Variants in NIM1K observed in about 807,000 individuals in gnomAD.
The protein encoded by NIM1K is serine/threonine-protein kinase NIM1.
Under a neutral mutation model 37.1 loss-of-function variants are expected in NIM1K, and 35 were observed. That is an observed-to-expected ratio of 0.94 (90% CI 0.72 to 1.25). The LOEUF (loss-of-function observed/expected upper bound fraction) is 1.25, where lower values mean the gene tolerates loss of function less well. Ranked by LOEUF, NIM1K falls within the 50% of genes most tolerant of loss-of-function variation. The pLI, the probability that NIM1K is intolerant of heterozygous loss-of-function variation, is 0.00. For missense variants in NIM1K, 564 were observed against 548.0 expected, an observed-to-expected ratio of 1.03 and a Z score of -0.29; for synonymous variants, 234 against 206.6, an observed-to-expected ratio of 1.13 and a Z score of -1.14.
At chr5:43,267,122 TAGTC>T (rs1225276212) in intron 2 of NIM1K, among the ~76,000 whole-genome samples, 3 of 152,206 alleles carry the variant, frequency 2.0e-5, no homozygotes, top group Admixed American at 6.5e-5. Flanking sequence ...AAATTTTACT[TAGTC>T]AGTCTCACTG....
intron 1 of NIM1K, among the ~76,000 whole-genome samples, chr5:43,224,591 A>C (rs890047407): frequency 6.6e-6 from 1 of 152,154 alleles, no homozygotes; most frequent in Non-Finnish European, 1.5e-5. Flanking sequence ...AGACAAAATT[A>C]ATATAAGTAG....
chr5:43,232,860 G>A (rs1284725269), intron 1 of NIM1K: 7 of 1,075,718 alleles, frequency 6.5e-6, no homozygotes, highest in Non-Finnish European at 1.0e-5. Flanking sequence ...AGTGCCTTCA[G>A]GCATAGTTAC....
At chr5:43,269,541 G>A (rs1272657569) in intron 2 of NIM1K, among the ~76,000 whole-genome samples, 1 of 152,030 alleles carries the variant, frequency 6.6e-6, no homozygotes, top group Non-Finnish European at 1.5e-5. Context: ...ACATTGAGAT[G>A]TAAGGTACGA....
intron 1 of NIM1K, among the ~76,000 whole-genome samples, chr5:43,216,445 G>C (rs1233876454): frequency 6.6e-6 from 1 of 152,230 alleles, no homozygotes; most frequent in Non-Finnish European, 1.5e-5. Flanking sequence ...CTTGAGATGA[G>C]TGCGTTTCAT....
At chr5:43,239,914 G>A (rs1031862197) in intron 1 of NIM1K, among the ~76,000 whole-genome samples, 3 of 152,000 alleles carry the variant, frequency 2.0e-5, no homozygotes, top group East Asian at 1.9e-4. Context: ...TTCACCAGAA[G>A]TCCTGAATTA....
At chr5:43,277,460 C>T in intron 3 of NIM1K, 135 bp downstream of exon 3, 1 of 925,026 alleles carries the variant, frequency 1.1e-6, no homozygotes, top group Non-Finnish European at 1.6e-6. Flanking sequence ...TTCTGAGAGT[C>T]AGAAGTCTGG....
chr5:43,256,740 C>T (rs1292624389), intron 2 of NIM1K, among the ~76,000 whole-genome samples: 1 of 152,202 alleles, frequency 6.6e-6, no homozygotes, highest in Non-Finnish European at 1.5e-5. Flanking sequence ...TGGCCAGCAA[C>T]CACTGACTGG....
rs143463408 is a variant in NIM1K at position 43,266,656 on chromosome 5, A to G, written c.293-10401A>G. ...CAAGCCCCAGTGCGATGAACGCGGTACCTCAGTTGGAAATGCAGAAATCAC... is the reference window on the plus strand; with the variant it reads ...CAAGCCCCAGTGCGATGAACGCGGTGCCTCAGTTGGAAATGCAGAAATCAC... On this transcript the variant is annotated intron_variant, in intron 2 of 3. Coordinates refer to ENST00000326035, the MANE Select transcript of NIM1K (RefSeq NM_153361.4). Among the ~76,000 whole-genome samples the G allele has an allele frequency of 1.0e-3, 154 of 152,244 alleles. 1 individual carries two copies. Among genetic ancestry groups the G allele is most frequent in the African/African-American group, 3.5e-3 (145 of 41,546 alleles).
chr5:43,247,589 C>A (rs1752801904), intron 2 of NIM1K, among the ~76,000 whole-genome samples: 1 of 152,140 alleles, frequency 6.6e-6, no homozygotes, highest in African/African-American at 2.4e-5. Flanking sequence ...TGCCTAGAAC[C>A]CACCTTCAGA....
rs868010783 is a variant in NIM1K at position 43,280,452 on chromosome 5, C to T, written c.1034C>T (p.Ser345Leu). Residue 345 changes from serine to leucine, a missense_variant, in exon 4 of 4, where the codon TCG (serine) becomes TTG (leucine). Coordinates refer to ENST00000326035, the MANE Select transcript of NIM1K (RefSeq NM_153361.4). ...TTCCAACTGGATCCCAAACATTTGT[C>T]GGAAACCAGCACTCTCAAGGAAGAA... The part of the protein sequence containing the change: ...EPFQLDPKHL[S>L]ETSTLKEEEN... 1.2e-6 allele frequency: 2 copies of T among 1,613,972 alleles called. No individual in the cohort carries two copies. The highest frequency in any genetic ancestry group is 2.7e-5 in the African/African-American group (2 of 74,902).
At chr5:43,214,289 A>G (rs1429742296) in intron 1 of NIM1K, among the ~76,000 whole-genome samples, 1 of 150,280 alleles carries the variant, frequency 6.7e-6, no homozygotes, top group East Asian at 1.9e-4. Flanking sequence ...TGTTGTAATT[A>G]TAAGTAGGCA....
chr5:43,280,409 C>A lies in NIM1K; in HGVS notation c.991C>A (p.Pro331Thr), dbSNP rs915289204. Residue 331 changes from proline to threonine, a missense_variant, in exon 4 of 4, where the codon CCT becomes ACT. Coordinates refer to ENST00000326035, the MANE Select transcript of NIM1K (RefSeq NM_153361.4). ...TGAATGGATGCAAGGGGTGCCATAC[C>A]CTACACCTTTGGAACCTTTCCAACT... The part of the protein sequence containing the change: ...NDEWMQGVPY[P>T]TPLEPFQLDP... 6.2e-7 allele frequency: 1 copy of A among 1,613,992 alleles called. No individual in the cohort carries two copies. Among genetic ancestry groups the A allele is most frequent in the African/African-American group, 1.3e-5 (1 of 74,900 alleles).
chr5:43,213,912 A>C (rs899674270), intron 1 of NIM1K, among the ~76,000 whole-genome samples: 2 of 151,342 alleles, frequency 1.3e-5, no homozygotes, highest in Non-Finnish European at 1.5e-5. Context: ...TACAGGCTGG[A>C]GCCACCATGC....
chr5:43,199,204 A>AAAT (rs1200134957), intron 1 of NIM1K, among the ~76,000 whole-genome samples: 1 of 94,066 alleles, frequency 1.1e-5, no homozygotes, highest in African/African-American at 3.9e-5. Flanking sequence ...AAAAAAAAAA[A>AAAT]ATATATATAT....
At chr5:43,193,403 C>G (rs1751862551) in intron 1 of NIM1K, 1 of 151,000 alleles carries the variant, frequency 6.6e-6, no homozygotes, top group Non-Finnish European at 1.5e-5. Flanking sequence ...CCTTCCCTCC[C>G]CTGTTTTCGT....
intron 1 of NIM1K, among the ~76,000 whole-genome samples, chr5:43,244,731 C>G (rs771519032): frequency 6.6e-6 from 1 of 152,082 alleles, no homozygotes. Flanking sequence ...ATTTTGAAAA[C>G]CATTAGTAAT....
chr5:43,276,712 T>C (rs1166445072), intron 2 of NIM1K, among the ~76,000 whole-genome samples: 1 of 152,144 alleles, frequency 6.6e-6, no homozygotes, highest in East Asian at 1.9e-4. Flanking sequence ...GCATGGGGCA[T>C]TGGGGATGGT....
At chr5:43,207,147 T>C in intron 1 of NIM1K, 1 of 725,904 alleles carries the variant, frequency 1.4e-6, no homozygotes, top group Non-Finnish European at 2.6e-6. Context: ...ATAAAAATTC[T>C]ACACTCGAAG....
rs1753226005 is a variant in NIM1K, at chr5:43,269,688, T to G, written c.293-7369T>G. Among the ~76,000 whole-genome samples the G allele has an allele frequency of 2.6e-5, 4 of 151,878 alleles. No homozygotes were observed. In the South Asian group the frequency reaches 8.3e-4, roughly 32 times the overall value. ...GGCTGGAGTGCAGTGGCGAGATCTC[T>G]GCTCACTGCAAGCTCCGCCTCCTGG... On this transcript the variant is annotated intron_variant, in intron 2 of 3. Coordinates refer to ENST00000326035, the MANE Select transcript of NIM1K (RefSeq NM_153361.4).
Sources: allele counts gnomAD v4.1 joint callset (sites outside exome capture counted in the v4.1 genomes callset), GRCh38; gene constraint gnomAD v4.1.1; transcripts MANE v1.5; gene names NCBI Gene and HGNC (gene_info 2026-07-23, HGNC 2026-07-21).